The following NALCN variants were observed in gnomAD, a reference collection of about 807,000 sequenced individuals.
The protein encoded by NALCN is sodium leak channel, non-selective.
NALCN carries 111 observed loss-of-function variants against 225.3 expected under a neutral mutation model. The ratio of observed to expected loss-of-function variants is 0.49; its 90% CI spans 0.42 to 0.58. The LOEUF (loss-of-function observed/expected upper bound fraction) is 0.58. NALCN is among the 20% of genes least tolerant of loss of function. The pLI, the probability that NALCN is intolerant of heterozygous loss-of-function variation, is 0.00. For synonymous variants in NALCN, 764 were observed against 769.0 expected, an observed-to-expected ratio of 0.99 and a Z score of 0.11; for missense variants, 1,378 against 2,202.4, an observed-to-expected ratio of 0.63 and a Z score of 7.49.
chr13:101,342,560 A>G (rs1020837166), intron 7 of NALCN, among the ~76,000 whole-genome samples: 5 of 152,298 alleles, frequency 3.3e-5, no homozygotes, highest in Admixed American at 2.0e-4. Context: ...TCCTCCAGGA[A>G]CATGCATTAT....
chr13:101,094,620 T>C (rs901996526), intron 28 of NALCN, among the ~76,000 whole-genome samples: 11 of 152,054 alleles, frequency 7.2e-5, no homozygotes, highest in Non-Finnish European at 1.3e-4. Flanking sequence ...CATTCCTCTC[T>C]CTCCAAGCTG....
At chr13:101,117,931 A>G (rs1566832736) in intron 18 of NALCN, among the ~76,000 whole-genome samples, 1 of 152,176 alleles carries the variant, frequency 6.6e-6, no homozygotes, top group East Asian at 1.9e-4. Context: ...GTGGGGAGGG[A>G]GGAATGAATA....
At chr13:101,394,539 C>G (rs992898766) in intron 3 of NALCN, among the ~76,000 whole-genome samples, 1 of 152,128 alleles carries the variant, frequency 6.6e-6, no homozygotes, top group Admixed American at 6.6e-5. Flanking sequence ...ATATGTTTAA[C>G]CTATGTAAAG....
Position 101,055,008 on chromosome 13 carries a change from G to A in NALCN, c.*287C>T, listed in dbSNP as rs537078693. 13 of 374,374 alleles carry A rather than the reference G, an allele frequency of 3.5e-5. No individual in the cohort carries two copies. Among genetic ancestry groups the A allele is most frequent in the African/African-American group, 2.5e-4 (12 of 48,654 alleles). 23.2% of individuals were successfully genotyped at this position (374,374 alleles called of 1,614,324 possible). ...CATATGAATATATACCTTAGTTTAC[G>A]CAGACAGAATATATGACATTTTTAA... is the stretch of plus-strand genomic sequence containing the variant. On this transcript the variant is annotated 3_prime_UTR_variant, in exon 44 of 44. Coordinates refer to ENST00000251127, the MANE Select transcript of NALCN (RefSeq NM_052867.4).
intron 7 of NALCN, among the ~76,000 whole-genome samples, chr13:101,339,076 A>C (rs760113093): frequency 2.6e-5 from 4 of 152,168 alleles, no homozygotes; most frequent in Non-Finnish European, 5.9e-5. Flanking sequence ...TTTATGTCTC[A>C]TATGTTTATG....
intron 6 of NALCN, among the ~76,000 whole-genome samples, chr13:101,349,389 A>G (rs2045839953): frequency 6.6e-6 from 1 of 152,174 alleles, no homozygotes; most frequent in Non-Finnish European, 1.5e-5. Flanking sequence ...CCATTCTAAC[A>G]TATGGAACCT....
chr13:101,310,449 T>TC (rs1320980074), intron 7 of NALCN, among the ~76,000 whole-genome samples: 1 of 152,036 alleles, frequency 6.6e-6, no homozygotes, highest in Non-Finnish European at 1.5e-5. Flanking sequence ...TGCACACTCT[T>TC]CCCCAGAGAG....
chr13:101,131,499 A>G (rs1258910164), intron 17 of NALCN, among the ~76,000 whole-genome samples: 1 of 152,106 alleles, frequency 6.6e-6, no homozygotes, highest in East Asian at 1.9e-4. Flanking sequence ...GGAATTTCCA[A>G]GCTCTGTTTC....
intron 40 of NALCN, 88 bp from the exon 41 acceptor site, chr13:101,062,206 CT>C: frequency 6.8e-7 from 1 of 1,470,374 alleles, no homozygotes; most frequent in South Asian, 1.3e-5. Flanking sequence ...GAGGACATCA[CT>C]CAGTCTAATA....
chr13:101,296,612 G>A (rs1210488007), intron 7 of NALCN, among the ~76,000 whole-genome samples: 1 of 152,092 alleles, frequency 6.6e-6, no homozygotes, highest in Non-Finnish European at 1.5e-5. Flanking sequence ...TAAAATTTCT[G>A]GCTAAACGAC....
chr13:101,143,069 G>A lies in NALCN; in HGVS notation c.2118+11C>T, dbSNP rs765671310. The A allele has an allele frequency of 5.0e-6, 8 of 1,613,986 alleles. No homozygotes were observed. ...TTTAGAAGCCTGGTTATTCGAAACA[G>A]CAGATCTTACTTTTTGGTCGATGTA... On this transcript the variant is annotated intron_variant, in intron 17 of 43. Coordinates refer to ENST00000251127, the MANE Select transcript of NALCN (RefSeq NM_052867.4).
intron 14 of NALCN, among the ~76,000 whole-genome samples, chr13:101,181,536 G>A (rs528143065): frequency 2.7e-5 from 4 of 149,406 alleles, no homozygotes; most frequent in Non-Finnish European, 5.9e-5. Context: ...TTGACCCCAG[G>A]AATTTGAGAC....
chr13:101,397,990 T>A (rs560096997), intron 2 of NALCN, among the ~76,000 whole-genome samples: 1 of 152,084 alleles, frequency 6.6e-6, no homozygotes, highest in Non-Finnish European at 1.5e-5. Flanking sequence ...GGGAAAGCAA[T>A]GTGAACAATC....
chr13:101,350,069 T>C (rs924778407), intron 6 of NALCN, among the ~76,000 whole-genome samples: 2 of 152,130 alleles, frequency 1.3e-5, no homozygotes, highest in African/African-American at 4.8e-5. Context: ...TCTCCCTCTC[T>C]ACACACACTC....
intron 17 of NALCN, among the ~76,000 whole-genome samples, chr13:101,141,803 T>C (rs1246971307): frequency 6.6e-6 from 1 of 152,126 alleles, no homozygotes; most frequent in African/African-American, 2.4e-5. Context: ...TGGCATTTTA[T>C]TGTCACATGA....
intron 37 of NALCN, among the ~76,000 whole-genome samples, chr13:101,073,198 T>C (rs2033016182): frequency 6.6e-6 from 1 of 152,242 alleles, no homozygotes; most frequent in South Asian, 2.1e-4. Context: ...GTAAGCTCCT[T>C]GAGTGTGCCT....
At chr13:101,056,444 TAG>T (rs2031273322) in intron 43 of NALCN, among the ~76,000 whole-genome samples, 1 of 151,858 alleles carries the variant, frequency 6.6e-6, no homozygotes, top group African/African-American at 2.4e-5. Context: ...GTATTTTTAG[TAG>T]AGACAGGGTT....
chr13:101,377,033 A>G lies in NALCN; in HGVS notation c.399T>C (p.Val133=). 1 of 1,614,202 alleles carries G rather than the reference A, an allele frequency of 6.2e-7. No homozygotes were observed. The highest frequency in any genetic ancestry group is 8.5e-7 in the Non-Finnish European group (1 of 1,180,012). The change falls in exon 5 of 44, where the codon GTT becomes GTC. Residue 133 remains valine (V), a synonymous_variant. Coordinates refer to ENST00000251127, the MANE Select transcript of NALCN (RefSeq NM_052867.4). ...VLQVFEIADI[V]DQMSPWGMLR... is the part of the protein sequence containing the mutation. The stretch of plus-strand genomic sequence containing the variant: ...ACATGCCCCAAGGTGACATCTGATC[A>G]ACTATATCAGCAATTTCAAACACCT...
At chr13:101,276,000 G>T (rs2042957428) in intron 10 of NALCN, among the ~76,000 whole-genome samples, 1 of 142,466 alleles carries the variant, frequency 7.0e-6, no homozygotes, top group South Asian at 2.3e-4. Flanking sequence ...GGAGGTAGAG[G>T]TTGCAGTGAG....
Sources: allele counts gnomAD v4.1 joint callset (sites outside exome capture counted in the v4.1 genomes callset), GRCh38; gene constraint gnomAD v4.1.1; transcripts MANE v1.5; gene names NCBI Gene and HGNC (gene_info 2026-07-23, HGNC 2026-07-21).